The following SDCCAG8 variants were observed in gnomAD, a reference collection of about 807,000 sequenced individuals.
SDCCAG8 encodes SHH signaling and ciliogenesis regulator SDCCAG8.
Under a neutral mutation model 101.8 loss-of-function variants are expected in SDCCAG8, and 74 were observed. That is an observed-to-expected ratio of 0.73 (90% CI 0.60 to 0.88). The LOEUF is 0.88. Ranked by LOEUF, SDCCAG8 falls within the 40% of genes least tolerant of loss-of-function variation. SDCCAG8 has a pLI of 0.00. For synonymous variants in SDCCAG8, 281 were observed against 292.9 expected, an observed-to-expected ratio of 0.96 and a Z score of 0.41; for missense variants, 787 against 822.6, an observed-to-expected ratio of 0.96 and a Z score of 0.53.
In SDCCAG8 at chr1:243,414,832, G is replaced by A. The variant is rs374380470; in HGVS notation, c.1617-870G>A. On this transcript the variant is annotated intron_variant, in intron 13 of 17. Coordinates refer to ENST00000366541, the MANE Select transcript of SDCCAG8 (RefSeq NM_006642.5). ...CACTTACCCATATTTAGAGTTTGAA[G>A]AACCATTCTAATATGTGTGTGTGTG... Among the ~76,000 whole-genome samples, 6 of 144,062 alleles carry A rather than the reference G, an allele frequency of 4.2e-5. No individual in the cohort carries two copies. The East Asian group carries it at 6.4e-4, about 15-fold the overall frequency. 94.5% of individuals were successfully genotyped at this position (144,062 alleles called of 152,430 possible).
At chr1:243,326,697 G>A (rs2074173762) in intron 9 of SDCCAG8, among the ~76,000 whole-genome samples, 1 of 152,092 alleles carries the variant, frequency 6.6e-6, no homozygotes, top group South Asian at 2.1e-4. Context: ...AAGCTTTAAA[G>A]TTTATGTTCA....
chr1:243,287,143 A>G (rs1483410414), intron 5 of SDCCAG8, among the ~76,000 whole-genome samples: 1 of 152,220 alleles, frequency 6.6e-6, no homozygotes, highest in Non-Finnish European at 1.5e-5. Context: ...TTGTGGTGAC[A>G]TTTAAATAGT....
At chr1:243,299,886 A>G (rs1235340772) in intron 6 of SDCCAG8, among the ~76,000 whole-genome samples, 4 of 135,160 alleles carry the variant, frequency 3.0e-5, no homozygotes, top group Non-Finnish European at 6.3e-5. Flanking sequence ...TTTTTTTGAG[A>G]CGGAGTCTCA....
Position 243,270,983 on chromosome 1 carries a change from C to T in SDCCAG8, c.226C>T (p.Gln76Ter). Reference sequence around the variant, plus strand: ...CCTCTGCTTTTGCTCTATAGTTAATCAGCTCAAAGATTTGTTGCGCCAACA... The same window carrying T: ...CCTCTGCTTTTGCTCTATAGTTAATTAGCTCAAAGATTTGTTGCGCCAACA... ...PELQQSHAVN[Q>*]LKDLLRQQAD... The change falls in exon 3 of 18, where the codon CAG becomes TAG. Residue 76 changes from glutamine (Q) to a stop codon, truncating the protein, a stop_gained. Coordinates refer to ENST00000366541, the MANE Select transcript of SDCCAG8 (RefSeq NM_006642.5). LOFTEE classifies it high-confidence loss of function. The T allele has an allele frequency of 6.2e-7, 1 of 1,611,992 alleles. No individual in the cohort carries two copies. The highest frequency in any genetic ancestry group is 8.5e-7 in the Non-Finnish European group (1 of 1,178,282).
At chr1:243,424,677 GT>G (rs2081227078) in intron 15 of SDCCAG8, among the ~76,000 whole-genome samples, 1 of 151,944 alleles carries the variant, frequency 6.6e-6, no homozygotes, top group African/African-American at 2.4e-5. Flanking sequence ...TCTTGGTTAA[GT>G]TTCCAGATTA....
chr1:243,492,452 C>G (rs199656337), intron 17 of SDCCAG8, among the ~76,000 whole-genome samples: 27 of 151,590 alleles, frequency 1.8e-4, no homozygotes, highest in African/African-American at 6.3e-4. Context: ...CAGGCACCCA[C>G]CACCACACCT....
Position 243,330,836 on chromosome 1 carries a change from G to T in SDCCAG8, c.1221+144G>T, listed in dbSNP as rs1485375264. On this transcript the variant is annotated intron_variant, in intron 10 of 17. Transcript: ENST00000366541. ...AAGTAGTTAAATTTCGTATAATTTAGAATTCATAAAAATGTTTTATCTTTT... is the reference window on the plus strand; with the variant it reads ...AAGTAGTTAAATTTCGTATAATTTATAATTCATAAAAATGTTTTATCTTTT... 5.3e-6 allele frequency: 4 copies of T among 756,320 alleles called. No homozygotes were observed. In the African/African-American group the frequency reaches 5.3e-5, roughly 10 times the overall value. The allele number at this position is 756,320 out of a possible 1,614,324, so 46.9% of individuals were successfully genotyped here. A position where few individuals can be genotyped will look rare whatever the true frequency, so the allele number is the denominator to read the frequency against.
chr1:243,402,050 AG>A (rs2079431737), intron 13 of SDCCAG8, among the ~76,000 whole-genome samples: 1 of 152,206 alleles, frequency 6.6e-6, no homozygotes, highest in South Asian at 2.1e-4. Flanking sequence ...CACTCAGACC[AG>A]TGCTGTCCAA....
At chr1:243,481,292 G>T (rs761132266) in intron 16 of SDCCAG8, among the ~76,000 whole-genome samples, 1 of 152,140 alleles carries the variant, frequency 6.6e-6, no homozygotes, top group Non-Finnish European at 1.5e-5. Flanking sequence ...GTCTAAGAAG[G>T]AGAGTGATGA....
At chr1:243,405,154 C>T (rs147657863) in intron 13 of SDCCAG8, among the ~76,000 whole-genome samples, 1,806 of 152,212 alleles carry the variant, frequency 0.012, 43 homozygotes, top group African/African-American at 0.042. Context: ...GTGTGAGCCA[C>T]CGTGCCTGTC....
At chr1:243,365,199 A>C (rs1198628809) in intron 12 of SDCCAG8, among the ~76,000 whole-genome samples, 1 of 152,128 alleles carries the variant, frequency 6.6e-6, no homozygotes, top group Non-Finnish European at 1.5e-5. Flanking sequence ...CCACCTGTAA[A>C]GTGAGGCGAT....
intron 12 of SDCCAG8, among the ~76,000 whole-genome samples, chr1:243,375,522 G>C (rs868142709): frequency 1.3e-5 from 2 of 152,144 alleles, no homozygotes; most frequent in Admixed American, 6.5e-5. Flanking sequence ...TTTTCTTGCA[G>C]TGACCACTTT....
At chr1:243,440,235 G>A (rs1040325790) in intron 16 of SDCCAG8, among the ~76,000 whole-genome samples, 4 of 151,986 alleles carry the variant, frequency 2.6e-5, no homozygotes, top group East Asian at 1.9e-4. Flanking sequence ...TGTACAAAAC[G>A]ACGTATGTTT....
intron 16 of SDCCAG8, among the ~76,000 whole-genome samples, chr1:243,437,818 G>C (rs899644479): frequency 6.6e-6 from 1 of 152,196 alleles, no homozygotes; most frequent in Non-Finnish European, 1.5e-5. Flanking sequence ...GATGACAGGC[G>C]TGAGCCACCG....
At position 243,284,549 on chromosome 1, in the gene SDCCAG8, C is replaced by T. The variant is rs191342205; in HGVS notation, c.421-1723C>T. On this transcript the variant is annotated intron_variant, in intron 4 of 17. Coordinates refer to ENST00000366541, the MANE Select transcript of SDCCAG8 (RefSeq NM_006642.5). ...ACGTTCACAAGTGCTTCTCAGTCTCCCCTGCCCTTTAAGTTAGACGAGATA... is the reference window on the plus strand; with the variant it reads ...ACGTTCACAAGTGCTTCTCAGTCTCTCCTGCCCTTTAAGTTAGACGAGATA... Among the ~76,000 whole-genome samples, 10 of 152,236 alleles carry T rather than the reference C, an allele frequency of 6.6e-5. No homozygotes were observed. In the East Asian group the frequency reaches 1.4e-3, roughly 21 times the overall value.
At chr1:243,329,702 A>G (rs1043812833) in intron 9 of SDCCAG8, among the ~76,000 whole-genome samples, 3 of 152,194 alleles carry the variant, frequency 2.0e-5, no homozygotes, top group Admixed American at 2.0e-4. Context: ...GTATGTAACT[A>G]AATTACATTT....
At chr1:243,492,832 C>T (rs1018368735) in intron 17 of SDCCAG8, among the ~76,000 whole-genome samples, 1 of 152,016 alleles carries the variant, frequency 6.6e-6, no homozygotes, top group Non-Finnish European at 1.5e-5. Context: ...GTCTCGAACT[C>T]CTGACCTCAG....
At chr1:243,355,853 C>A (rs2076352554) in intron 12 of SDCCAG8, among the ~76,000 whole-genome samples, 1 of 152,252 alleles carries the variant, frequency 6.6e-6, no homozygotes, top group African/African-American at 2.4e-5. Context: ...CAAGCCATCC[C>A]TCCACCTCTG....
At chr1:243,470,701 T>C (rs1475714891) in intron 16 of SDCCAG8, among the ~76,000 whole-genome samples, 2 of 152,126 alleles carry the variant, frequency 1.3e-5, no homozygotes, top group African/African-American at 4.8e-5. Flanking sequence ...GTTTCTCAGC[T>C]TGTCTGTCTT....
Sources: allele counts gnomAD v4.1 joint callset (sites outside exome capture counted in the v4.1 genomes callset), GRCh38; gene constraint gnomAD v4.1.1; transcripts MANE v1.5; gene names NCBI Gene and HGNC (gene_info 2026-07-23, HGNC 2026-07-21).